The following CDH4 variants were observed in gnomAD, a reference collection of about 807,000 sequenced individuals.
The protein encoded by CDH4 is cadherin-4.
In CDH4, 33 loss-of-function variants were observed where a neutral mutation model predicts 86.0. The ratio of observed to expected loss-of-function variants is 0.38; its 90% CI spans 0.29 to 0.51. The LOEUF is 0.51. Among genes scored for constraint, CDH4 ranks in the 20% least tolerant of loss-of-function variants. The pLI is 0.86. For missense variants in CDH4, 1,114 were observed against 1,307.4 expected, an observed-to-expected ratio of 0.85 and a Z score of 2.28; for synonymous variants, 555 against 549.4, an observed-to-expected ratio of 1.01 and a Z score of -0.14.
At chr20:61,280,854 C>T (rs1325596928) in intron 2 of CDH4, among the ~76,000 whole-genome samples, 4 of 152,164 alleles carry the variant, frequency 2.6e-5, no homozygotes, top group Non-Finnish European at 4.4e-5. Context: ...CGCTACCCTC[C>T]CTGTTCCCCC....
chr20:61,393,248 T>C lies in CDH4; in HGVS notation c.169+138311T>C, dbSNP rs1292729634. Among the ~76,000 whole-genome samples, 2 of 151,948 alleles carry C rather than the reference T, an allele frequency of 1.3e-5. No individual in the cohort carries two copies. The highest frequency in any genetic ancestry group is 2.9e-5 in the Non-Finnish European group (2 of 67,976). On this transcript the variant is annotated intron_variant, in intron 2 of 15. Coordinates refer to ENST00000614565, the MANE Select transcript of CDH4 (RefSeq NM_001794.5). This position sits in a 1 kb window ranked among gnomAD's most constrained non-coding sequence, Gnocchi z 4.3. Reference sequence around the variant, plus strand: ...TGGGGGTGCAGGACCCAGTGTTCCCTCCAACAAGAGGCCATCTCACGGGCG... The same window carrying C: ...TGGGGGTGCAGGACCCAGTGTTCCCCCCAACAAGAGGCCATCTCACGGGCG...
At chr20:61,682,401 T>C (rs1219768351) in intron 2 of CDH4, among the ~76,000 whole-genome samples, 1 of 110,240 alleles carries the variant, frequency 9.1e-6, no homozygotes, top group Non-Finnish European at 1.7e-5. Flanking sequence ...GATAGATGGA[T>C]GGACAGAGGG....
intron 2 of CDH4, among the ~76,000 whole-genome samples, chr20:61,613,424 G>A (rs1013166394): frequency 1.3e-5 from 2 of 151,940 alleles, no homozygotes; most frequent in African/African-American, 4.8e-5. Context: ...CAAGTGCCAG[G>A]TAACAATCTT....
intron 3 of CDH4, among the ~76,000 whole-genome samples, chr20:61,756,257 GC>G (rs11292866): frequency 0.034 from 5,115 of 152,258 alleles, 289 homozygotes; most frequent in African/African-American, 0.12. Flanking sequence ...CTGGCCAGGG[GC>G]TCGGCTTCTC....
At chr20:61,324,843 G>A (rs2084528281) in intron 2 of CDH4, among the ~76,000 whole-genome samples, 1 of 152,176 alleles carries the variant, frequency 6.6e-6, no homozygotes, top group South Asian at 2.1e-4. Flanking sequence ...ATTTATAGAG[G>A]GTGTGGCAGG....
intron 2 of CDH4, among the ~76,000 whole-genome samples, chr20:61,288,485 G>C (rs761898465): frequency 1.4e-4 from 22 of 152,210 alleles, no homozygotes; most frequent in Non-Finnish European, 3.1e-4. Flanking sequence ...CTCATTCAGG[G>C]CATGGCCCAC....
At position 61,684,165 on chromosome 20, in the gene CDH4, T is replaced by G. The variant is rs574675341; in HGVS notation, c.170-59398T>G. Among the ~76,000 whole-genome samples, 71 of 152,258 alleles carry G rather than the reference T, an allele frequency of 4.7e-4. No homozygotes were observed. Among genetic ancestry groups the G allele is most frequent in the South Asian group, 1.5e-3 (7 of 4,822 alleles). ...CCTCTGCCCTCTGGATGCCAAACATTCTAGAAACCCCCAAAGGAATAAATG... is the reference window on the plus strand; with the variant it reads ...CCTCTGCCCTCTGGATGCCAAACATGCTAGAAACCCCCAAAGGAATAAATG... On this transcript the variant is annotated intron_variant, in intron 2 of 15. Transcript: ENST00000614565. The surrounding 1 kb of genome is among the most constrained non-coding windows in gnomAD (Gnocchi z 4.5).
chr20:61,838,029 C>A (rs1981958653), intron 4 of CDH4, among the ~76,000 whole-genome samples: 1 of 152,064 alleles, frequency 6.6e-6, no homozygotes, highest in Non-Finnish European at 1.5e-5. Context: ...TGCCTGCTCA[C>A]CGTTTTTTCC....
chr20:61,653,999 C>T (rs943406571), intron 2 of CDH4, among the ~76,000 whole-genome samples: 21 of 151,904 alleles, frequency 1.4e-4, no homozygotes, highest in African/African-American at 4.8e-4. Context: ...CAGGCAGAGA[C>T]GCTCCTCACT....
intron 2 of CDH4, among the ~76,000 whole-genome samples, chr20:61,457,299 G>A (rs1252746170): frequency 9.9e-5 from 15 of 152,266 alleles, no homozygotes; most frequent in East Asian, 5.8e-4. Context: ...ACTCTCTACC[G>A]TCTGTGGAGC....
intron 2 of CDH4, among the ~76,000 whole-genome samples, chr20:61,680,160 C>T (rs1339459950): frequency 1.3e-5 from 2 of 152,200 alleles, no homozygotes; most frequent in African/African-American, 2.4e-5. Context: ...GCACCACCTC[C>T]CCAGGACCAG....
chr20:61,898,213 C>G (rs920376952), intron 8 of CDH4, among the ~76,000 whole-genome samples: 1 of 152,262 alleles, frequency 6.6e-6, no homozygotes, highest in Non-Finnish European at 1.5e-5. Flanking sequence ...CACTGCCGCA[C>G]ATGCCGCCAG....
intron 2 of CDH4, among the ~76,000 whole-genome samples, chr20:61,670,255 G>A (rs749292401): frequency 5.3e-5 from 8 of 152,346 alleles, no homozygotes; most frequent in East Asian, 1.9e-4. Flanking sequence ...TGCTCAGGCA[G>A]GTCCTCACCC....
chr20:61,608,206 T>C (rs2086659417), intron 2 of CDH4, among the ~76,000 whole-genome samples: 1 of 152,214 alleles, frequency 6.6e-6, no homozygotes, highest in South Asian at 2.1e-4. Context: ...TAACGCTTGA[T>C]TAACCAGTCC....
chr20:61,282,006 G>A (rs1568780126), intron 2 of CDH4, among the ~76,000 whole-genome samples: 4 of 152,190 alleles, frequency 2.6e-5, no homozygotes, highest in South Asian at 2.1e-4. Flanking sequence ...CCATGGTCAC[G>A]TTGGAAGAAG....
chr20:61,822,170 G>A (rs186107670), intron 4 of CDH4, among the ~76,000 whole-genome samples: 63 of 152,308 alleles, frequency 4.1e-4, no homozygotes, highest in African/African-American at 1.3e-3. Context: ...GTGCTCTAAC[G>A]TACTGATGAA....
At chr20:61,677,879 G>A (rs2087462452) in intron 2 of CDH4, among the ~76,000 whole-genome samples, 2 of 89,008 alleles carry the variant, frequency 2.2e-5, no homozygotes, top group Non-Finnish European at 4.6e-5. Context: ...ATGATGGATA[G>A]ATGATGGATG....
chr20:61,292,783 T>C (rs189727008), intron 2 of CDH4, among the ~76,000 whole-genome samples: 2 of 150,262 alleles, frequency 1.3e-5, no homozygotes, highest in Admixed American at 1.3e-4. Flanking sequence ...CAATGCTGTT[T>C]TTGTTTTTGT....
intron 2 of CDH4, among the ~76,000 whole-genome samples, chr20:61,637,966 G>A (rs1263498039): frequency 2.0e-5 from 3 of 151,530 alleles, no homozygotes; most frequent in Non-Finnish European, 4.4e-5. Flanking sequence ...AGGAGGCGGA[G>A]GCTGCAGTGA....
Sources: gnomAD v4.1 joint callset for allele counts (sites outside exome capture counted in the v4.1 genomes callset) on GRCh38, gnomAD v4.1.1 for gene constraint, Gnocchi (gnomAD v3.1) non-coding constraint, MANE v1.5 for transcripts, NCBI Gene and HGNC (gene_info 2026-07-23, HGNC 2026-07-21) for gene names.